Variants in TTC6 observed in about 807,000 individuals in gnomAD.
TTC6 encodes tetratricopeptide repeat domain 6, also known as tetratricopeptide repeat protein 6.
TTC6 carries 172 observed loss-of-function variants against 210.4 expected under a neutral mutation model. The observed-to-expected ratio is 0.82, with a 90% CI of 0.72 to 0.93. TTC6 has a LOEUF of 0.93. Among genes scored for constraint, TTC6 ranks in the 40% least tolerant of loss-of-function variants. The probability of loss-of-function intolerance (pLI) is 0.00; values close to 1 mark genes in which losing one functional copy is unlikely to be tolerated. For missense variants in TTC6, 2,414 were observed against 2,318.1 expected, an observed-to-expected ratio of 1.04 and a Z score of -0.85; for synonymous variants, 804 against 819.6, an observed-to-expected ratio of 0.98 and a Z score of 0.32.
intron 29 of TTC6, among the ~76,000 whole-genome samples, chr14:37,837,888 A>T (rs553427610): frequency 6.6e-6 from 1 of 152,196 alleles, no homozygotes; most frequent in Admixed American, 6.5e-5. Flanking sequence ...AGAGGAAAAT[A>T]GTTCAGTGAC....
intron 14 of TTC6, among the ~76,000 whole-genome samples, chr14:37,784,642 A>T (rs182226174): frequency 6.6e-6 from 1 of 152,134 alleles, no homozygotes; most frequent in East Asian, 1.9e-4. Flanking sequence ...ATATTGTTAT[A>T]TGTGAATGTG....
intron 5 of TTC6, among the ~76,000 whole-genome samples, chr14:37,703,637 T>A (rs1001991982): frequency 6.6e-6 from 1 of 152,200 alleles, no homozygotes; most frequent in African/African-American, 2.4e-5. Context: ...GTAGTTTTAA[T>A]GTTTCCCAAT....
intron 1 of TTC6, among the ~76,000 whole-genome samples, chr14:37,650,173 G>T (rs1416867131): frequency 1.3e-5 from 2 of 152,172 alleles, no homozygotes; most frequent in African/African-American, 2.4e-5. Flanking sequence ...CCCGGCAGAG[G>T]CGCTAAGTTG....
intron 2 of TTC6, among the ~76,000 whole-genome samples, chr14:37,681,159 A>G (rs183914738): frequency 6.6e-6 from 1 of 152,248 alleles, no homozygotes; most frequent in East Asian, 1.9e-4. Context: ...AGGAAGGCTT[A>G]CCACATATGC....
chr14:37,647,375 C>A (rs896480652), intron 1 of TTC6, among the ~76,000 whole-genome samples: 1 of 152,086 alleles, frequency 6.6e-6, no homozygotes, highest in Non-Finnish European at 1.5e-5. Flanking sequence ...GTGGCTTGGG[C>A]CAATCATGGT....
At chr14:37,727,947 GT>G (rs2095877053) in intron 7 of TTC6, among the ~76,000 whole-genome samples, 1 of 152,124 alleles carries the variant, frequency 6.6e-6, no homozygotes, top group South Asian at 2.1e-4. Context: ...TAATTCAGTG[GT>G]ATTATTTGTT....
chr14:37,827,471 G>C (rs1434298955), intron 29 of TTC6, 105 bp downstream of exon 31: 19 of 994,868 alleles, frequency 1.9e-5, no homozygotes, highest in Non-Finnish European at 2.6e-5. Context: ...ATAATGCATT[G>C]GCTATTAGCT....
At chr14:37,676,794 G>GC (rs2095770725) in intron 1 of TTC6, among the ~76,000 whole-genome samples, 1 of 151,994 alleles carries the variant, frequency 6.6e-6, no homozygotes, top group Non-Finnish European at 1.5e-5. Flanking sequence ...ATATTCAGTT[G>GC]CCCCAGCACC....
intron 24 of TTC6, among the ~76,000 whole-genome samples, chr14:37,809,682 T>A (rs1043878251): frequency 6.6e-6 from 1 of 152,192 alleles, no homozygotes; most frequent in Non-Finnish European, 1.5e-5. Flanking sequence ...GTGACCAGGT[T>A]TGGCCTATAT....
intron 14 of TTC6, among the ~76,000 whole-genome samples, chr14:37,778,891 A>G (rs1288805836): frequency 2.6e-5 from 4 of 152,250 alleles, no homozygotes; most frequent in African/African-American, 9.6e-5. Context: ...TTGAGGCCCA[A>G]CAACTCCCCT....
chr14:37,622,557 G>A, exon 1 of TTC6: 1 of 1,534,918 alleles, frequency 6.5e-7, no homozygotes, highest in South Asian at 1.2e-5. Context: ...CAGAGCGCGC[G>A]GGGTCTTGGA....
At chr14:37,657,950 C>A (rs1432538709) in intron 1 of TTC6, among the ~76,000 whole-genome samples, 1 of 151,984 alleles carries the variant, frequency 6.6e-6, no homozygotes, top group Admixed American at 6.6e-5. Context: ...TGCATTTGTT[C>A]CAAAGAGAGG....
At chr14:37,636,971 T>C (rs1196061812) in intron 1 of TTC6, among the ~76,000 whole-genome samples, 1 of 151,930 alleles carries the variant, frequency 6.6e-6, no homozygotes, top group African/African-American at 2.4e-5. Flanking sequence ...GAGAGTGGAA[T>C]AGAGAACACA....
At chr14:37,710,829 G>T (rs371448401) in intron 5 of TTC6, among the ~76,000 whole-genome samples, 1 of 152,080 alleles carries the variant, frequency 6.6e-6, no homozygotes, top group Non-Finnish European at 1.5e-5. Flanking sequence ...AGGATCTATC[G>T]CAAACCTACT....
Position 37,762,862 on chromosome 14 carries a change from T to TTTTTC in TTC6, c.3266+9647_3266+9651dup, listed in dbSNP as rs773724868. Among the ~76,000 whole-genome samples, 1,309 of 150,674 alleles carry TTTTTC rather than the reference T, an allele frequency of 8.7e-3. 1 individual carries two copies. Among genetic ancestry groups the TTTTTC allele is most frequent in the Non-Finnish European group, 0.012 (831 of 67,780 alleles). ...TGATCGTAGTGTATCTTTCTTTTTCTTTTTCTTTTCTTTTCTTTTCTTTTT... is the reference window on the plus strand; with the variant it reads ...TGATCGTAGTGTATCTTTCTTTTTCTTTTTCTTTTCTTTTCTTTTCTTTTCTTTTT... On this transcript the variant is annotated intron_variant, in intron 14 of 30. Transcript: ENST00000553443.
intron 1 of TTC6, among the ~76,000 whole-genome samples, chr14:37,597,408 A>T (rs1293831464): frequency 6.6e-6 from 1 of 152,204 alleles, no homozygotes; most frequent in Admixed American, 6.5e-5. Context: ...ATTTATGGAT[A>T]GTAATAGCTT....
chr14:37,688,435 G>C (rs1169884514), intron 3 of TTC6, among the ~76,000 whole-genome samples: 1 of 152,060 alleles, frequency 6.6e-6, no homozygotes, highest in Admixed American at 6.6e-5. Context: ...CTAGGTCTTT[G>C]AGCAAACATA....
chr14:37,733,579 T>A (rs2138901069), intron 7 of TTC6, among the ~76,000 whole-genome samples: 1 of 152,320 alleles, frequency 6.6e-6, no homozygotes, highest in African/African-American at 2.4e-5. Flanking sequence ...GAGAAGTAAG[T>A]CTTAAATGTA....
chr14:37,622,675 A>G (rs1346563994), exon 1 of TTC6: 7 of 1,535,046 alleles, frequency 4.6e-6, no homozygotes, highest in African/African-American at 1.4e-5. Flanking sequence ...AAAGAGAGGA[A>G]GGCCAGCTCC....
Sources: gnomAD v4.1 joint callset for allele counts (sites outside exome capture counted in the v4.1 genomes callset) on GRCh38, gnomAD v4.1.1 for gene constraint, MANE v1.5 for transcripts, NCBI Gene and HGNC (gene_info 2026-07-23, HGNC 2026-07-21) for gene names.